The following SPINT1 variants were observed in gnomAD, a reference collection of about 807,000 sequenced individuals.
SPINT1 encodes serine peptidase inhibitor, Kunitz type 1, also known as kunitz-type protease inhibitor 1.
Under a neutral mutation model 53.7 loss-of-function variants are expected in SPINT1, and 38 were observed. The ratio of observed to expected loss-of-function variants is 0.71; its 90% CI spans 0.55 to 0.93. The LOEUF is 0.93. Ranked by LOEUF, SPINT1 falls within the 40% of genes least tolerant of loss-of-function variation. The probability of loss-of-function intolerance (pLI) is 0.00; values close to 1 mark genes in which losing one functional copy is unlikely to be tolerated. For synonymous variants in SPINT1, 283 were observed against 280.6 expected, an observed-to-expected ratio of 1.01 and a Z score of -0.08; for missense variants, 645 against 692.9, an observed-to-expected ratio of 0.93 and a Z score of 0.78.
intron 2 of SPINT1, among the ~76,000 whole-genome samples, 188 bp downstream of exon 2, chr15:40,845,217 T>A (rs572694377): frequency 6.6e-6 from 1 of 151,506 alleles, no homozygotes; most frequent in Non-Finnish European, 1.5e-5. Context: ...GCGCAATCTC[T>A]GGTTGCTCAC....
In SPINT1 at chr15:40,857,213, C is replaced by G; in HGVS notation, c.*238C>G. 1.7e-6 allele frequency: 1 copy of G among 585,264 alleles called. No homozygotes were observed. Among genetic ancestry groups the G allele is most frequent in the South Asian group, 2.3e-5 (1 of 43,384 alleles). 36.3% of individuals were successfully genotyped at this position (585,264 alleles called of 1,614,324 possible). On this transcript the variant is annotated 3_prime_UTR_variant, in exon 11 of 11. Transcript: ENST00000562057. ...AGAAGTACCAGACTAGATGGACCTGCCTGCATAGGAGTTTGGAGGAAGTTG... is the reference window on the plus strand; with the variant it reads ...AGAAGTACCAGACTAGATGGACCTGGCTGCATAGGAGTTTGGAGGAAGTTG...
Position 40,844,363 on chromosome 15 carries a change from G to A in SPINT1, c.-65-127G>A. The A allele has an allele frequency of 1.5e-6, 1 of 666,318 alleles. No individual in the cohort carries two copies. The highest frequency in any genetic ancestry group is 2.6e-6 in the Non-Finnish European group (1 of 379,952). The allele number at this position is 666,318 out of a possible 1,614,324, so 41.3% of individuals were successfully genotyped here. A position where few individuals can be genotyped will look rare whatever the true frequency, so the allele number is the denominator to read the frequency against. On this transcript the variant is annotated intron_variant, in intron 1 of 10. Transcript: ENST00000562057. This position sits in a 1 kb window ranked among gnomAD's most constrained non-coding sequence, Gnocchi z 5.8. ...GCGCGTGGGAGGGCCGGGCCCGTGC[G>A]CCCTCTTCGATCCTGGGGTGCTCCG... is the stretch of plus-strand genomic sequence containing the variant.
intron 2 of SPINT1, among the ~76,000 whole-genome samples, chr15:40,850,203 G>A (rs1472121955): frequency 6.6e-6 from 1 of 152,178 alleles, no homozygotes; most frequent in Non-Finnish European, 1.5e-5. Context: ...CTCCCGAGCA[G>A]CTGGGATTAC....
At position 40,844,573 on chromosome 15, in the gene SPINT1, A is replaced by G. The variant is rs1366252727; in HGVS notation, c.19A>G (p.Met7Val). Residue 7 changes from methionine (M) to valine (V), a missense_variant, in exon 2 of 11, where the codon ATG becomes GTG. Coordinates refer to ENST00000562057, the MANE Select transcript of SPINT1 (RefSeq NM_003710.4). The surrounding 1 kb of genome is among the most constrained non-coding windows in gnomAD (Gnocchi z 5.8). MAPART[M>V]ARARLAPAGI... ...GAAGGCGATGGCCCCTGCGAGGACG[A>G]TGGCCCGCGCCCGCCTCGCCCCGGC... The G allele has an allele frequency of 6.2e-7, 1 of 1,609,810 alleles. No individual in the cohort carries two copies. The highest frequency in any genetic ancestry group is 8.5e-7 in the Non-Finnish European group (1 of 1,178,948).
At chr15:40,856,452 G>A (rs951426732) in intron 10 of SPINT1, 129 bp downstream of exon 10, 30 of 1,188,862 alleles carry the variant, frequency 2.5e-5, no homozygotes, top group Middle Eastern at 1.9e-4. Flanking sequence ...ACAGAGTACC[G>A]TAATCAAATG....
At chr15:40,855,074 TATAATAAA>T (rs1350750206) in intron 8 of SPINT1, among the ~76,000 whole-genome samples, 2 of 152,116 alleles carry the variant, frequency 1.3e-5, no homozygotes, top group African/African-American at 4.8e-5. Context: ...CACAAATAAA[TATAATAAA>T]ACAGTAAGTT....
At position 40,854,386 on chromosome 15, in the gene SPINT1, C is replaced by T; in HGVS notation, c.941-11C>T. Reference sequence around the variant, plus strand: ...CTTTGCTTGAGCCTGACCTCCCTTCCACCCGTCCAGTGTGCTCTGGCACCT... The same window carrying T: ...CTTTGCTTGAGCCTGACCTCCCTTCTACCCGTCCAGTGTGCTCTGGCACCT... On this transcript the variant is annotated splice_polypyrimidine_tract_variant and intron_variant, in intron 6 of 10. Coordinates refer to ENST00000562057, the MANE Select transcript of SPINT1 (RefSeq NM_003710.4). The T allele has an allele frequency of 6.5e-7, 1 of 1,546,040 alleles. No homozygotes were observed. The highest frequency in any genetic ancestry group is 1.3e-5 in the South Asian group (1 of 79,776).
chr15:40,853,044 T>C, intron 2 of SPINT1, 80 bp from the exon 3 acceptor site: 5 of 1,546,902 alleles, frequency 3.2e-6, no homozygotes, highest in South Asian at 1.3e-5. Context: ...GCCCATACTT[T>C]CACCACCCCA....
Position 40,844,924 on chromosome 15 carries a change from G to C in SPINT1, c.370G>C (p.Glu124Gln). The change falls in exon 2 of 11, where the codon GAG becomes CAG. Residue 124 changes from glutamate to glutamine, a missense_variant. By Grantham distance (29) the Glu-to-Gln change is conservative. Transcript: ENST00000562057. The surrounding 1 kb of genome is among the most constrained non-coding windows in gnomAD (Gnocchi z 5.8). ...AACFLINCLY[E>Q]QNFVCKFAPR... ...CTGCTTCCTCATCAACTGCCTCTAC[G>C]AGCAGAACTTCGTGTGCAAGTTCGC... 1 of 1,614,002 alleles carries C rather than the reference G, an allele frequency of 6.2e-7. No individual in the cohort carries two copies. Among genetic ancestry groups the C allele is most frequent in the Non-Finnish European group, 8.5e-7 (1 of 1,180,042 alleles).
At chr15:40,848,429 C>T (rs1891356661) in intron 2 of SPINT1, among the ~76,000 whole-genome samples, 2 of 152,186 alleles carry the variant, frequency 1.3e-5, no homozygotes, top group Non-Finnish European at 2.9e-5. Flanking sequence ...TGCAGCTGTA[C>T]CTACACACGG....
intron 10 of SPINT1, 24 bp downstream of exon 10, chr15:40,856,347 C>T: frequency 6.2e-7 from 1 of 1,614,086 alleles, no homozygotes; most frequent in Non-Finnish European, 8.5e-7. Context: ...TGTCCTGTAA[C>T]TGAGGTTAGC....
intron 2 of SPINT1, among the ~76,000 whole-genome samples, chr15:40,851,852 C>G (rs997298038): frequency 1.3e-5 from 2 of 152,126 alleles, no homozygotes; most frequent in African/African-American, 4.8e-5. Flanking sequence ...GAAACCCCAT[C>G]TCTACTAAAA....
At chr15:40,855,799 G>A (rs764397498) in intron 8 of SPINT1, 93 bp from the exon 9 acceptor site, 165 of 1,378,908 alleles carry the variant, frequency 1.2e-4, no homozygotes, top group Non-Finnish European at 1.5e-4. Context: ...CATGGCAGGT[G>A]GGGAGGTGCT....
chr15:40,847,458 C>G (rs548573277), intron 2 of SPINT1, among the ~76,000 whole-genome samples: 134 of 152,326 alleles, frequency 8.8e-4, no homozygotes, highest in Admixed American at 2.0e-3. Flanking sequence ...GTTCCTCCTT[C>G]TGCCTGTGGC....
chr15:40,850,521 CCTGT>C (rs1891425995), intron 2 of SPINT1, among the ~76,000 whole-genome samples: 1 of 152,196 alleles, frequency 6.6e-6, no homozygotes, highest in African/African-American at 2.4e-5. Context: ...CCAACCCTTG[CCTGT>C]CTGTCATTGT....
At chr15:40,849,430 C>T (rs1783778256) in intron 2 of SPINT1, among the ~76,000 whole-genome samples, 1 of 152,200 alleles carries the variant, frequency 6.6e-6, no homozygotes, top group Admixed American at 6.5e-5. Context: ...TTTGTAAATA[C>T]GAGGTCTCAC....
At position 40,854,112 on chromosome 15, in the gene SPINT1, C is replaced by A. The variant is rs765670168; in HGVS notation, c.940+26C>A. 2.6e-6 allele frequency: 4 copies of A among 1,528,566 alleles called. No homozygotes were observed. The East Asian group carries it at 9.0e-5, about 35-fold the overall frequency. 94.7% of individuals were successfully genotyped at this position (1,528,566 alleles called of 1,614,324 possible). On this transcript the variant is annotated intron_variant, in intron 6 of 10. Transcript: ENST00000562057. ...GTGGGCTTTACTCCCCTCCCCATCC[C>A]CCATCCCCACCACATCTCTAGCCCA...
chr15:40,854,167 C>G (rs576199545), intron 6 of SPINT1, 81 bp downstream of exon 6: 2 of 1,463,676 alleles, frequency 1.4e-6, no homozygotes, highest in African/African-American at 1.4e-5. Flanking sequence ...AGCAGCCTGC[C>G]TTTGACCAAG....
In SPINT1 at chr15:40,856,304, A is replaced by G; in HGVS notation, c.1317A>G (p.Glu439=). 1.2e-6 allele frequency: 2 copies of G among 1,614,136 alleles called. No homozygotes were observed. Among genetic ancestry groups the G allele is most frequent in the Non-Finnish European group, 1.7e-6 (2 of 1,180,014 alleles). The change falls in exon 10 of 11, where the codon GAA becomes GAG. Residue 439 remains glutamate (E), a synonymous_variant. Transcript: ENST00000562057. The part of the protein sequence containing the change: ...SKKDVFGLRR[E]IPIPSTGSVE... ...AGGATGTGTTTGGCCTGAGGCGGGA[A>G]ATCCCCATTCCCAGCACAGGTAAGC... is the stretch of plus-strand genomic sequence containing the variant.
Sources: gnomAD v4.1 joint callset for allele counts (sites outside exome capture counted in the v4.1 genomes callset) on GRCh38, gnomAD v4.1.1 for gene constraint, Gnocchi (gnomAD v3.1) non-coding constraint, MANE v1.5 for transcripts, NCBI Gene and HGNC (gene_info 2026-07-23, HGNC 2026-07-21) for gene names.